The following SLC27A6 variants were observed in gnomAD, a reference collection of about 807,000 sequenced individuals.
SLC27A6 encodes long-chain fatty acid transport protein 6.
In SLC27A6, 74 loss-of-function variants were observed where a neutral mutation model predicts 63.9. That is an observed-to-expected ratio of 1.16 (90% CI 0.96 to 1.40). SLC27A6 has a LOEUF of 1.40. Among genes scored for constraint, SLC27A6 ranks in the 40% most tolerant of loss-of-function variants. The probability of loss-of-function intolerance (pLI) is 0.00; values close to 1 mark genes in which losing one functional copy is unlikely to be tolerated. For missense variants in SLC27A6, 794 were observed against 732.9 expected, an observed-to-expected ratio of 1.08 and a Z score of -0.96; for synonymous variants, 287 against 260.8, an observed-to-expected ratio of 1.10 and a Z score of -0.97.
At chr5:128,976,193 C>A (rs569061556) in intron 1 of SLC27A6, among the ~76,000 whole-genome samples, 1 of 152,094 alleles carries the variant, frequency 6.6e-6, no homozygotes, top group Non-Finnish European at 1.5e-5. Context: ...TTTTATCTAT[C>A]GGCATACATA....
At chr5:129,031,084 T>C (rs767297938) in intron 9 of SLC27A6, among the ~76,000 whole-genome samples, 1 of 151,940 alleles carries the variant, frequency 6.6e-6, no homozygotes, top group Admixed American at 6.6e-5. Context: ...TTTCATTAAA[T>C]AGAAAAAATG....
chr5:128,972,941 T>C (rs773402486), intron 1 of SLC27A6, among the ~76,000 whole-genome samples: 1 of 152,222 alleles, frequency 6.6e-6, no homozygotes, highest in African/African-American at 2.4e-5. Context: ...GACCTACAGA[T>C]GGCGTTTTCA....
chr5:129,005,393 C>G (rs1265135990), intron 4 of SLC27A6, among the ~76,000 whole-genome samples: 2 of 152,248 alleles, frequency 1.3e-5, no homozygotes, highest in Middle Eastern at 3.4e-3. Context: ...TCCAGTTAAC[C>G]AGACGATGCT....
intron 1 of SLC27A6, among the ~76,000 whole-genome samples, chr5:128,983,745 C>G (rs1750694848): frequency 6.6e-6 from 1 of 152,070 alleles, no homozygotes; most frequent in Admixed American, 6.5e-5. Flanking sequence ...TATGAGTTTC[C>G]TAAGGCTGCT....
At chr5:128,992,600 T>A (rs187171718) in intron 4 of SLC27A6, among the ~76,000 whole-genome samples, 13 of 152,322 alleles carry the variant, frequency 8.5e-5, no homozygotes, top group African/African-American at 1.2e-4. Context: ...TTACATTTTT[T>A]AAATATTTTT....
In SLC27A6 at chr5:128,991,942, CTT is replaced by C. The variant is rs548336954; in HGVS notation, c.969+1480_969+1481del. Among the ~76,000 whole-genome samples, 332 of 151,774 alleles carry C rather than the reference CTT, an allele frequency of 2.2e-3. 2 individuals are homozygous for C. Among genetic ancestry groups the C allele is most frequent in the African/African-American group, 7.6e-3 (317 of 41,534 alleles). On this transcript the variant is annotated intron_variant, in intron 4 of 9. Transcript: ENST00000262462. ...ATCTCTCCAAATGCTTCTTCTTTAA[CTT>C]TATGATTTTCTAAACATTCTTGAGA...
Position 128,966,248 on chromosome 5 carries a change from G to A in SLC27A6, c.111G>A (p.Val37=), listed in dbSNP as rs772487761. The A allele has an allele frequency of 6.8e-6, 11 of 1,613,658 alleles. No individual in the cohort carries two copies. Among genetic ancestry groups the A allele is most frequent in the Non-Finnish European group, 9.3e-6 (11 of 1,179,820 alleles). ...ATGACTTCTGGTTCGTGTTGAAGGT[G>A]GTGCTCATTATAATTCGGCTGAAGA... The part of the protein sequence containing the change: ...FWDDFWFVLK[V]VLIIIRLKKY... The change falls in exon 1 of 10, where the codon GTG becomes GTA. Residue 37 remains valine (V), a synonymous_variant. Transcript: ENST00000262462.
At chr5:128,990,122 T>C (rs1750927504) in intron 3 of SLC27A6, among the ~76,000 whole-genome samples, 1 of 152,224 alleles carries the variant, frequency 6.6e-6, no homozygotes, top group Non-Finnish European at 1.5e-5. Context: ...GCAAAAAGCA[T>C]ATTTTCAGTC....
At chr5:128,998,216 C>A (rs1233514411) in intron 4 of SLC27A6, among the ~76,000 whole-genome samples, 1 of 151,824 alleles carries the variant, frequency 6.6e-6, no homozygotes, top group Non-Finnish European at 1.5e-5. Context: ...CATTTGCACC[C>A]AGGAGTTTGA....
intron 1 of SLC27A6, among the ~76,000 whole-genome samples, chr5:128,967,542 C>T (rs954620941): frequency 1.3e-5 from 2 of 152,102 alleles, no homozygotes; most frequent in South Asian, 4.1e-4. Context: ...TTTTTAAACT[C>T]ACAGAACAAT....
intron 5 of SLC27A6, among the ~76,000 whole-genome samples, chr5:129,017,923 C>T (rs991587658): frequency 2.6e-5 from 4 of 152,120 alleles, no homozygotes; most frequent in African/African-American, 4.8e-5. Flanking sequence ...GTTACGAACT[C>T]TTCCAGATAA....
chr5:128,990,190 C>A, intron 3 of SLC27A6, 150 bp from the exon 4 acceptor site: 1 of 711,078 alleles, frequency 1.4e-6, no homozygotes. Context: ...TTAGTGTTTC[C>A]AAATGAGTTT....
chr5:129,012,752 A>T (rs1751764823), intron 4 of SLC27A6, among the ~76,000 whole-genome samples: 2 of 152,122 alleles, frequency 1.3e-5, no homozygotes, highest in African/African-American at 4.8e-5. Context: ...TAGTATAGTT[A>T]TACTAGCTTC....
At position 128,966,460 on chromosome 5, in the gene SLC27A6, T is replaced by G; in HGVS notation, c.323T>G (p.Val108Gly). Residue 108 changes from valine to glycine, a missense_variant, in exon 1 of 10, where the codon GTG (valine) becomes GGG (glycine). Physicochemically the swap from Val to Gly is moderately radical, Grantham distance 109. Transcript: ENST00000262462. The part of the protein sequence containing the change: ...NHSSLKKGDT[V>G]ALLMSNEPDF... ...TCCTCTCTGAAAAAGGGGGACACGG[T>G]GGCTCTGCTGATGAGCAATGAGCCG... The G allele has an allele frequency of 6.2e-7, 1 of 1,608,348 alleles. No homozygotes were observed. Among genetic ancestry groups the G allele is most frequent in the African/African-American group, 1.3e-5 (1 of 74,894 alleles).
chr5:129,021,674 A>G (rs1211289992), intron 5 of SLC27A6, among the ~76,000 whole-genome samples: 2 of 152,204 alleles, frequency 1.3e-5, no homozygotes, highest in East Asian at 1.9e-4. Flanking sequence ...AATTTGTATT[A>G]TAATGCAGCC....
chr5:129,001,092 C>T (rs1032559039), intron 4 of SLC27A6, among the ~76,000 whole-genome samples: 7 of 152,276 alleles, frequency 4.6e-5, no homozygotes, highest in African/African-American at 1.2e-4. Context: ...TCTGAAACCA[C>T]GGCCCACCCA....
At chr5:128,980,660 G>T (rs561374837) in intron 1 of SLC27A6, among the ~76,000 whole-genome samples, 1 of 152,266 alleles carries the variant, frequency 6.6e-6, no homozygotes, top group East Asian at 1.9e-4. Context: ...ATAAGGATGT[G>T]GCAAGATCTC....
intron 6 of SLC27A6, 98 bp from the exon 7 acceptor site, chr5:129,027,035 C>T: frequency 2.1e-6 from 2 of 962,336 alleles, no homozygotes; most frequent in Non-Finnish European, 3.3e-6. Context: ...AGATAAGCAG[C>T]ATTGGTTGTG....
intron 4 of SLC27A6, among the ~76,000 whole-genome samples, chr5:129,014,875 T>C (rs1036269783): frequency 6.6e-6 from 1 of 152,222 alleles, no homozygotes; most frequent in Non-Finnish European, 1.5e-5. Context: ...CTTTTATCTC[T>C]TCACTTTTCA....
Sources: allele counts gnomAD v4.1 joint callset (sites outside exome capture counted in the v4.1 genomes callset), GRCh38; gene constraint gnomAD v4.1.1; transcripts MANE v1.5; gene names NCBI Gene and HGNC (gene_info 2026-07-23, HGNC 2026-07-21).